ZNF536: variants seen among roughly 807,000 people sequenced by gnomAD.
The protein encoded by ZNF536 is zinc finger protein 536.
A neutral mutation model predicts 84.5 loss-of-function variants in ZNF536; 13 were observed. The ratio of observed to expected loss-of-function variants is 0.15; its 90% CI spans 0.10 to 0.24. The LOEUF is 0.24. Among genes scored for constraint, ZNF536 ranks in the 10% least tolerant of loss-of-function variants. The pLI is 1.00. For synonymous variants in ZNF536, 811 were observed against 742.5 expected (o/e 1.09, Z -1.50); for missense variants, 1,536 against 1,747.5 (o/e 0.88, Z 2.16).
At chr19:30,415,845 C>T (rs1454237142) in intron 1 of ZNF536, among the ~76,000 whole-genome samples, 2 of 152,146 alleles carry the variant, frequency 1.3e-5, no homozygotes, top group African/African-American at 2.4e-5. Flanking sequence ...CTCCTGACCT[C>T]GTGATCTGCC....
At chr19:30,300,023 T>C (rs191253575) in intron 2 of ZNF536, among the ~76,000 whole-genome samples, 200 of 152,320 alleles carry the variant, frequency 1.3e-3, no homozygotes, top group Non-Finnish European at 2.3e-3. Context: ...TTCCACTACT[T>C]TTCAGACGAG....
Position 30,349,999 on chromosome 19 carries a change from G to GT in ZNF536, c.-119-2359dup, listed in dbSNP as rs892178993. Among the ~76,000 whole-genome samples, 67 of 147,836 alleles carry GT rather than the reference G, an allele frequency of 4.5e-4. 2 individuals carry two copies. Among genetic ancestry groups the GT allele is most frequent in the South Asian group, 1.5e-3 (7 of 4,610 alleles). The stretch of plus-strand genomic sequence containing the variant: ...GATTGTGTGAGATGCTCCGAAAGTT[G>GT]TTTTTTTTTTCTATTCATTTTAGTG... On this transcript the variant is annotated intron_variant, in intron 2 of 5. Coordinates refer to the ZNF536 transcript ENST00000585628.
At chr19:30,473,049 A>C (rs2053704237) in intron 2 of ZNF536, among the ~76,000 whole-genome samples, 1 of 151,562 alleles carries the variant, frequency 6.6e-6, no homozygotes, top group Non-Finnish European at 1.5e-5. Flanking sequence ...AAAAAAAAAA[A>C]AAAAAAATTA....
rs949325203 is a variant in ZNF536, at chr19:30,450,624, G to C, written c.2170+4892G>C. On this transcript the variant is annotated intron_variant, in intron 2 of 4. Transcript: ENST00000355537. ...CAAGCATGTGAGTGATGCCCTCTTA[G>C]ATAGCCTCCTTCATTGTTATATATT... is the stretch of plus-strand genomic sequence containing the variant. Among the ~76,000 whole-genome samples, 4 of 152,122 alleles carry C rather than the reference G, an allele frequency of 2.6e-5. 1 individual carries two copies. Among genetic ancestry groups the C allele is most frequent in the East Asian group, 1.9e-4 (1 of 5,196 alleles).
chr19:30,236,745 G>GA (rs1387416592), intron 1 of ZNF536, among the ~76,000 whole-genome samples: 13 of 152,136 alleles, frequency 8.5e-5, no homozygotes, highest in African/African-American at 3.1e-4. Flanking sequence ...GCCAGGGTCT[G>GA]GTCATCTGGT....
intron 2 of ZNF536, among the ~76,000 whole-genome samples, chr19:30,455,529 C>T (rs976663435): frequency 3.9e-5 from 6 of 152,132 alleles, no homozygotes; most frequent in African/African-American, 1.4e-4. Context: ...TAGCGAAACC[C>T]TGTCTCTACA....
chr19:30,678,742 C>CCA (rs1555835791), intron 1 of ZNF536, among the ~76,000 whole-genome samples: 2 of 150,546 alleles, frequency 1.3e-5, no homozygotes, highest in African/African-American at 2.5e-5. Flanking sequence ...AGCCCCCCCA[C>CCA]ACACACCTAT....
intron 3 of ZNF536, among the ~76,000 whole-genome samples, chr19:30,538,119 C>G (rs2045168760): frequency 2.0e-5 from 3 of 152,168 alleles, no homozygotes; most frequent in African/African-American, 7.2e-5. Context: ...ATGTGGGACT[C>G]AAGTTGGTGA....
chr19:30,576,638 T>A (rs2146615638), intron 1 of ZNF536, among the ~76,000 whole-genome samples: 1 of 152,338 alleles, frequency 6.6e-6, no homozygotes, highest in South Asian at 2.1e-4. Flanking sequence ...CCCACTGCCA[T>A]GCACCATCCA....
intron 1 of ZNF536, among the ~76,000 whole-genome samples, chr19:30,686,379 C>G (rs997323111): frequency 6.6e-6 from 1 of 152,124 alleles, no homozygotes; most frequent in Non-Finnish European, 1.5e-5. Context: ...TTATTACAAA[C>G]CAGATGGAGC....
chr19:30,464,017 C>CCT (rs2053273863), intron 2 of ZNF536, among the ~76,000 whole-genome samples: 1 of 152,218 alleles, frequency 6.6e-6, no homozygotes, highest in Non-Finnish European at 1.5e-5. Context: ...TTCTCTCTTG[C>CCT]CTCCCTCCTG....
intron 1 of ZNF536, among the ~76,000 whole-genome samples, chr19:30,685,394 GGTGT>G (rs372492793): frequency 1.1e-4 from 17 of 151,892 alleles, no homozygotes; most frequent in Non-Finnish European, 2.1e-4. Context: ...GTAGGTGTGG[GGTGT>G]GTGTGTGTGC....
At chr19:30,280,904 G>T (rs960688512) in intron 1 of ZNF536, among the ~76,000 whole-genome samples, 2 of 152,190 alleles carry the variant, frequency 1.3e-5, no homozygotes, top group Admixed American at 6.5e-5. Context: ...AGAGGGGCCC[G>T]TGCAGGGCTA....
intron 2 of ZNF536, among the ~76,000 whole-genome samples, chr19:30,481,377 T>A (rs1182312322): frequency 6.6e-6 from 1 of 152,194 alleles, no homozygotes; most frequent in African/African-American, 2.4e-5. Flanking sequence ...TCCCTGTCAC[T>A]GGGATCTCTC....
At chr19:30,599,411 T>C (rs1374478907) in intron 1 of ZNF536, among the ~76,000 whole-genome samples, 1 of 94,566 alleles carries the variant, frequency 1.1e-5, no homozygotes, top group African/African-American at 4.4e-5. Context: ...TCCTTCTTCC[T>C]CTTTTCCTCC....
In ZNF536 at chr19:30,445,928, C is replaced by T. The variant is rs1399079758; in HGVS notation, c.2170+196C>T. 6.6e-6 allele frequency among the ~76,000 whole-genome samples: 1 copy of T among 152,096 alleles called. No homozygotes were observed. Among genetic ancestry groups the T allele is most frequent in the Admixed American group, 6.5e-5 (1 of 15,282 alleles). On this transcript the variant is annotated intron_variant, in intron 2 of 4. Transcript: ENST00000355537. The surrounding 1 kb of genome is among the most constrained non-coding windows in gnomAD (Gnocchi z 4.5). ...AAGGGCCGTCCTTTCACCTCTTAGG[C>T]CTTCCCTTGAACACTGGCTACCAAG...
At chr19:30,470,215 A>T (rs904331278) in intron 2 of ZNF536, among the ~76,000 whole-genome samples, 1 of 152,098 alleles carries the variant, frequency 6.6e-6, no homozygotes, top group Non-Finnish European at 1.5e-5. Flanking sequence ...TTTTTTGAGG[A>T]AGGGAGGCTT....
chr19:30,522,283 A>ATACATATATAAT (rs59462054), intron 2 of ZNF536, among the ~76,000 whole-genome samples: 1 of 42,374 alleles, frequency 2.4e-5, no homozygotes, highest in East Asian at 1.2e-3. Context: ...ACATATATAT[A>ATACATATATAAT]ATATATATAT....
At chr19:30,367,101 C>T (rs2048459692) in intron 3 of ZNF536, among the ~76,000 whole-genome samples, 1 of 152,194 alleles carries the variant, frequency 6.6e-6, no homozygotes, top group Admixed American at 6.5e-5. Context: ...GTCAGTTTTT[C>T]CATTTCTCAC....
Sources: allele counts gnomAD v4.1 joint callset (sites outside exome capture counted in the v4.1 genomes callset), GRCh38; gene constraint gnomAD v4.1.1; non-coding constraint Gnocchi (gnomAD v3.1); transcripts MANE v1.5; gene names NCBI Gene and HGNC (gene_info 2026-07-23, HGNC 2026-07-21).